ZMIZ1: variants seen among roughly 807,000 people sequenced by gnomAD.
ZMIZ1 encodes zinc finger MIZ-type containing 1.
A neutral mutation model predicts 113.9 loss-of-function variants in ZMIZ1; 17 were observed. The ratio of observed to expected loss-of-function variants is 0.15; its 90% CI spans 0.10 to 0.22. ZMIZ1 has a LOEUF of 0.22. Among genes scored for constraint, ZMIZ1 ranks in the 10% least tolerant of loss-of-function variants. The pLI is 1.00. For missense variants in ZMIZ1, 1,059 were observed against 1,477.8 expected (o/e 0.72, Z 4.65); for synonymous variants, 607 against 603.1 (o/e 1.01, Z -0.09).
At chr10:79,165,825 C>T (rs138923019) in intron 4 of ZMIZ1, among the ~76,000 whole-genome samples, 45 of 151,952 alleles carry the variant, frequency 3.0e-4, no homozygotes, top group Admixed American at 1.3e-3. Context: ...TCTGGGTGGG[C>T]CCAACCAGCT....
intron 4 of ZMIZ1, among the ~76,000 whole-genome samples, chr10:79,179,264 C>T (rs1035154285): frequency 6.6e-6 from 1 of 152,230 alleles, no homozygotes; most frequent in Non-Finnish European, 1.5e-5. Context: ...CCTTCTCCCA[C>T]TCACCTGTGG....
chr10:79,213,434 G>A (rs898201409), intron 6 of ZMIZ1, among the ~76,000 whole-genome samples: 3 of 152,210 alleles, frequency 2.0e-5, no homozygotes, highest in Non-Finnish European at 4.4e-5. Context: ...TTCCTCATCA[G>A]TGAAAGGAGG....
At chr10:79,126,251 G>A (rs1844507401) in intron 2 of ZMIZ1, among the ~76,000 whole-genome samples, 1 of 152,200 alleles carries the variant, frequency 6.6e-6, no homozygotes, top group Non-Finnish European at 1.5e-5. Context: ...AGGCTTATAA[G>A]GGGCAAGGGA....
chr10:79,257,570 G>A (rs780562996), intron 7 of ZMIZ1, among the ~76,000 whole-genome samples: 13 of 152,244 alleles, frequency 8.5e-5, no homozygotes, highest in African/African-American at 1.2e-4. Flanking sequence ...GGAGGTGCTA[G>A]CATTGGGAGG....
chr10:79,181,045 AGTGTG>A (rs1183737649), intron 4 of ZMIZ1, among the ~76,000 whole-genome samples: 1 of 152,202 alleles, frequency 6.6e-6, no homozygotes, highest in African/African-American at 2.4e-5. Context: ...GAGTCAGGAC[AGTGTG>A]GCCGTGTGTG....
intron 1 of ZMIZ1, among the ~76,000 whole-genome samples, chr10:79,099,896 G>A (rs1486036451): frequency 6.6e-6 from 1 of 152,098 alleles, no homozygotes; most frequent in Non-Finnish European, 1.5e-5. Context: ...GCACGGTGCT[G>A]ACATGGTCCT....
chr10:79,257,915 G>A (rs942487910), intron 7 of ZMIZ1, among the ~76,000 whole-genome samples: 2 of 152,214 alleles, frequency 1.3e-5, no homozygotes, highest in Non-Finnish European at 2.9e-5. Context: ...AGAGGGAAGG[G>A]ACCTCGCTTT....
intron 4 of ZMIZ1, among the ~76,000 whole-genome samples, chr10:79,201,223 G>A (rs376461630): frequency 9.9e-5 from 15 of 152,266 alleles, no homozygotes; most frequent in East Asian, 3.9e-4. Flanking sequence ...CAGGAGAATC[G>A]CTTGAACCTG....
chr10:79,128,239 C>T (rs1363438291), intron 2 of ZMIZ1, among the ~76,000 whole-genome samples: 3 of 152,174 alleles, frequency 2.0e-5, no homozygotes, highest in Non-Finnish European at 4.4e-5. Context: ...AGAGTTTCCC[C>T]TGCTCTAAGA....
intron 4 of ZMIZ1, among the ~76,000 whole-genome samples, chr10:79,164,922 G>T (rs1193795078): frequency 6.6e-6 from 1 of 152,148 alleles, no homozygotes; most frequent in Non-Finnish European, 1.5e-5. Flanking sequence ...AAGGTCCCAG[G>T]GGAGGACTGG....
chr10:79,242,256 A>C (rs1034132400), intron 7 of ZMIZ1, among the ~76,000 whole-genome samples: 1 of 152,058 alleles, frequency 6.6e-6, no homozygotes, highest in Admixed American at 6.5e-5. Context: ...CACAGGATGC[A>C]ATGTCAGGAA....
intron 5 of ZMIZ1, among the ~76,000 whole-genome samples, chr10:79,203,539 C>G (rs1176835988): frequency 1.3e-5 from 2 of 152,168 alleles, no homozygotes; most frequent in African/African-American, 4.8e-5. Context: ...GCCCCGCCCT[C>G]CAATGGAATG....
At chr10:79,174,968 T>A (rs1480466758) in intron 4 of ZMIZ1, among the ~76,000 whole-genome samples, 4 of 152,224 alleles carry the variant, frequency 2.6e-5, no homozygotes, top group Non-Finnish European at 5.9e-5. Flanking sequence ...GTCTTTGACC[T>A]TCCTCCCAGG....
At chr10:79,245,190 C>T (rs1164644203) in intron 7 of ZMIZ1, among the ~76,000 whole-genome samples, 1 of 152,214 alleles carries the variant, frequency 6.6e-6, no homozygotes, top group Non-Finnish European at 1.5e-5. Context: ...GCACAGCCCT[C>T]CCCTGGCTCA....
At chr10:79,244,374 G>T (rs1409051866) in intron 7 of ZMIZ1, among the ~76,000 whole-genome samples, 1 of 152,236 alleles carries the variant, frequency 6.6e-6, no homozygotes, top group African/African-American at 2.4e-5. Flanking sequence ...TGGAGAAAGA[G>T]CCCCTTGATA....
intron 4 of ZMIZ1, among the ~76,000 whole-genome samples, chr10:79,198,265 A>G (rs912368003): frequency 2.6e-5 from 4 of 152,150 alleles, no homozygotes; most frequent in Non-Finnish European, 4.4e-5. Flanking sequence ...AAACAAACAA[A>G]CAAACAAAAA....
At chr10:79,250,984 C>T (rs1464049927) in intron 7 of ZMIZ1, among the ~76,000 whole-genome samples, 1 of 152,132 alleles carries the variant, frequency 6.6e-6, no homozygotes, top group African/African-American at 2.4e-5. Context: ...GAACAGACCA[C>T]GCGCAGGGAG....
chr10:79,289,973 C>T, intron 9 of ZMIZ1, 84 bp downstream of exon 9: 1 of 1,326,758 alleles, frequency 7.5e-7, no homozygotes, highest in Non-Finnish European at 1.1e-6. Flanking sequence ...GCCCTCTTCA[C>T]CCTCACAGGC....
At chr10:79,084,843 G>A (rs1842759747) in intron 1 of ZMIZ1, among the ~76,000 whole-genome samples, 1 of 150,038 alleles carries the variant, frequency 6.7e-6, no homozygotes, top group African/African-American at 2.5e-5. Context: ...GCACAAAGAG[G>A]GAAGTCCTGC....
Sources: gnomAD v4.1 joint callset for allele counts (sites outside exome capture counted in the v4.1 genomes callset) on GRCh38, gnomAD v4.1.1 for gene constraint, MANE v1.5 for transcripts, NCBI Gene and HGNC (gene_info 2026-07-23, HGNC 2026-07-21) for gene names.